IGSF1: variants seen among roughly 807,000 people sequenced by gnomAD.
IGSF1 encodes immunoglobulin superfamily member 1, also known as immunoglobulin-like domain-containing protein 1.
Under a neutral mutation model 95.3 loss-of-function variants are expected in IGSF1, and 40 were observed. The observed-to-expected ratio is 0.42, with a 90% CI of 0.33 to 0.55. The LOEUF is 0.55. Among genes scored for constraint, IGSF1 ranks in the 20% least tolerant of loss-of-function variants. The pLI, the probability that IGSF1 is intolerant of heterozygous loss-of-function variation, is 0.10. For missense variants in IGSF1, 906 were observed against 1,025.4 expected, an observed-to-expected ratio of 0.88 and a Z score of 1.59; for synonymous variants, 372 against 382.9, an observed-to-expected ratio of 0.97 and a Z score of 0.33.
chrX:131,274,252 G>T lies in IGSF1; in HGVS notation c.3752-46C>A, dbSNP rs779448947. The T allele has an allele frequency of 1.4e-5, 17 of 1,200,462 alleles. No homozygotes were observed. The East Asian group carries it at 4.7e-4, about 34-fold the overall frequency. ...AAACCGAGGCCATGGAGATTAGCGT[G>T]TGTATGTTCCCCTTGATCTGGTATT... On this transcript the variant is annotated intron_variant, in intron 18 of 19. Transcript: ENST00000361420.
Position 131,282,025 on chromosome X carries a change from C to T in IGSF1, c.1247-81G>A, listed in dbSNP as rs1306041272. 7.9e-6 allele frequency: 7 copies of T among 889,744 alleles called. No homozygotes were observed. In the East Asian group the frequency reaches 2.2e-4, roughly 28 times the overall value. 73.3% of individuals were successfully genotyped at this position (889,744 alleles called of 1,213,427 possible). A position where few individuals can be genotyped will look rare whatever the true frequency, so the allele number is the denominator to read the frequency against. ...CCCCAGAAAATGTTTCTGAGCTCCC[C>T]ATTTGATCTTCTCTTCCTTTCCACT... On this transcript the variant is annotated intron_variant, in intron 7 of 19. Transcript: ENST00000361420.
rs2080474171 is a variant in IGSF1, at chrX:131,276,345, T to A, written c.2609-97A>T. The A allele has an allele frequency of 4.3e-6, 3 of 704,953 alleles. No homozygotes were observed. In the Admixed American group the frequency reaches 1.2e-4, roughly 29 times the overall value. 58.1% of individuals were successfully genotyped at this position (704,953 alleles called of 1,213,427 possible). On this transcript the variant is annotated intron_variant, in intron 14 of 19. Transcript: ENST00000361420. ...ATTGTAAGACACAATATATGTTTGT[T>A]GTTAAAAATTAGAAAATATAGAAAA...
At chrX:131,278,213 C>G in intron 12 of IGSF1, 79 bp from the exon 13 acceptor site, 1 of 976,621 alleles carries the variant, frequency 1.0e-6, no homozygotes, top group Non-Finnish European at 1.4e-6. Context: ...ACTTTGTCAG[C>G]AAATAAAGAC....
Position 131,279,341 on chromosome X carries a change from T to C in IGSF1, c.1647A>G (p.Arg549=). 8.3e-7 allele frequency: 1 copy of C among 1,205,420 alleles called. No individual in the cohort carries two copies. The highest frequency in any genetic ancestry group is 3.0e-5 in the East Asian group (1 of 33,801). ...IRWKCRRLRI[R]EAWLLGTAQG... is the part of the protein sequence containing the mutation. ...GAGCTGTTCCCAGCAACCAGGCTTC[T>C]CTAGTGAGACCAGAAAAGAGATGAG... Residue 549 remains arginine (R), a splice_region_variant and synonymous_variant, in exon 10 of 20, where the codon AGA becomes AGG. Coordinates refer to ENST00000361420, the MANE Select transcript of IGSF1 (RefSeq NM_001555.5).
chrX:131,276,521 T>C (rs2080476697), intron 14 of IGSF1, among the ~76,000 whole-genome samples: 1 of 111,690 alleles, frequency 9.0e-6, no homozygotes, highest in Admixed American at 9.4e-5. Context: ...TGTGTAGTTG[T>C]GTAGTATGCA....
rs201754584 is a variant in IGSF1, at chrX:131,275,991, G to T, written c.2866C>A (p.Leu956Ile). 8.3e-7 allele frequency: 1 copy of T among 1,208,665 alleles called. No individual in the cohort carries two copies. Among genetic ancestry groups the T allele is most frequent in the East Asian group, 3.0e-5 (1 of 33,748 alleles). The change falls in exon 15 of 20, where the codon CTC becomes ATC. Residue 956 changes from leucine (L) to isoleucine (I), a missense_variant. Transcript: ENST00000361420. ...ETTMSNRGSY[L>I]SMPLMIWVTD... ...ACCCAGATCATAAGGGGCATACTGA[G>T]ATATGACCCCCTGTTTGACATGGTT...
intron 6 of IGSF1, 38 bp downstream of exon 6, chrX:131,282,942 G>A (rs1448610959): frequency 7.2e-6 from 8 of 1,108,035 alleles, no homozygotes; most frequent in Non-Finnish European, 9.9e-6. Context: ...TATATCCTTA[G>A]CCGTTAACCT....
chrX:131,283,874 C>G (rs1323253801), intron 5 of IGSF1, among the ~76,000 whole-genome samples: 1 of 112,004 alleles, frequency 8.9e-6, no homozygotes, highest in Non-Finnish European at 1.9e-5. Context: ...CAATGCCAGG[C>G]ACACTTATCT....
chrX:131,280,813 G>A (rs930474273), intron 9 of IGSF1, among the ~76,000 whole-genome samples: 1 of 111,713 alleles, frequency 9.0e-6, no homozygotes, highest in Non-Finnish European at 1.9e-5. Context: ...TAGGGATAAG[G>A]GTGAAAAGTT....
rs756664599 is a variant in IGSF1, at chrX:131,273,916, G to A, written c.3891C>T (p.Asp1297=). ...CAAGGGCAATGGTCTGGTCTCTTCC[G>A]TCTGTCTCTGAGCCTCTATGTAAAG... ...PRLRTRGSET[D]GRDQTIALEE... Residue 1297 remains aspartate (D), a synonymous_variant, in exon 20 of 20, where the codon GAC becomes GAT. Transcript: ENST00000361420. The A allele has an allele frequency of 3.7e-5, 45 of 1,208,278 alleles. No homozygotes were observed. Among genetic ancestry groups the A allele is most frequent in the South Asian group, 5.3e-5 (3 of 56,479 alleles).
chrX:131,286,157 T>G, intron 3 of IGSF1, 109 bp from the exon 4 acceptor site: 1 of 752,821 alleles, frequency 1.3e-6, no homozygotes, highest in Non-Finnish European at 1.9e-6. Flanking sequence ...CCTCATTTTG[T>G]CTTCCCTTGG....
chrX:131,285,071 C>T (rs755811965), intron 5 of IGSF1, 108 bp downstream of exon 5: 1 of 1,112,841 alleles, frequency 9.0e-7, no homozygotes, highest in Non-Finnish European at 1.2e-6. Context: ...TGGGGCCTTG[C>T]AGGGCCTAGA....
At chrX:131,274,936 C>G (rs956426611) in intron 17 of IGSF1, 59 bp from the exon 18 acceptor site, 3 of 1,197,942 alleles carry the variant, frequency 2.5e-6, no homozygotes, top group Admixed American at 4.4e-5. Context: ...CCTTTTACCC[C>G]CTTATTGCTT....
At chrX:131,278,870 C>T in intron 11 of IGSF1, 119 bp from the exon 12 acceptor site, 1 of 681,835 alleles carries the variant, frequency 1.5e-6, no homozygotes, top group East Asian at 3.3e-5. Flanking sequence ...CAAATCCAAA[C>T]CCTTTCCTTC....
At position 131,276,209 on chromosome X, in the gene IGSF1, G is replaced by C. The variant is rs1432321471; in HGVS notation, c.2648C>G (p.Pro883Arg). The change falls in exon 15 of 20, where the codon CCT (proline) becomes CGT (arginine). Residue 883 changes from proline (P) to arginine (R), a missense_variant. Physicochemically the swap from Pro to Arg is moderately radical, Grantham distance 103. Transcript: ENST00000361420. ...PKPTLLAQPG[P>R]VVFPGKSVIL... Reference sequence around the variant, plus strand: ...CACACTCTTCCCAGGAAACACCACAGGACCTGGCTGTGCCAGGAGAGTGGG... The same window carrying C: ...CACACTCTTCCCAGGAAACACCACACGACCTGGCTGTGCCAGGAGAGTGGG... 2 of 1,209,121 alleles carry C rather than the reference G, an allele frequency of 1.7e-6. No individual in the cohort carries two copies. Among genetic ancestry groups the C allele is most frequent in the Admixed American group, 2.2e-5 (1 of 45,431 alleles).
Position 131,285,768 on chromosome X carries a change from T to A in IGSF1, c.378A>T (p.Pro126=). ...KPSKVLELEA[P]GQLPKPIFWI... is the part of the protein sequence containing the mutation. ...TCTTGAGTATCACTGTCATCTTACC[T>A]GGTGCCTCCAACTCTAGAACTTTAC... Residue 126 remains proline, a splice_region_variant and synonymous_variant, in exon 4 of 20, where the codon CCA becomes CCT. Coordinates refer to ENST00000361420, the MANE Select transcript of IGSF1 (RefSeq NM_001555.5). 1 of 1,202,824 alleles carries A rather than the reference T, an allele frequency of 8.3e-7. No homozygotes were observed. The highest frequency in any genetic ancestry group is 1.1e-6 in the Non-Finnish European group (1 of 889,751).
chrX:131,274,011 G>A, intron 19 of IGSF1, 72 bp downstream of exon 19: 1 of 1,204,234 alleles, frequency 8.3e-7, no homozygotes, highest in Non-Finnish European at 1.1e-6. Context: ...GATACTAGGG[G>A]AGCATTTGTA....
Position 131,285,425 on chromosome X carries a change from G to T in IGSF1, c.421C>A (p.Pro141Thr), listed in dbSNP as rs1181812278. The change falls in exon 5 of 20, where the codon CCC becomes ACC. Residue 141 changes from proline (P) to threonine (T), a missense_variant. Coordinates refer to ENST00000361420, the MANE Select transcript of IGSF1 (RefSeq NM_001555.5). ...KPIFWIQAET[P>T]ALPGCNVNIL... ...TTAACATTACACCCAGGAAGAGCGGGGGTCTCAGCCTGAATCCAGAAGATG... is the reference window on the plus strand; with the variant it reads ...TTAACATTACACCCAGGAAGAGCGGTGGTCTCAGCCTGAATCCAGAAGATG... The T allele has an allele frequency of 6.6e-6, 8 of 1,206,863 alleles. No homozygotes were observed. Among genetic ancestry groups the T allele is most frequent in the Non-Finnish European group, 9.0e-6 (8 of 892,970 alleles).
intron 1 of IGSF1, among the ~76,000 whole-genome samples, chrX:131,287,944 TAGAG>T (rs1448641228): frequency 9.0e-6 from 1 of 111,562 alleles, no homozygotes; most frequent in Non-Finnish European, 1.9e-5. Flanking sequence ...GCTCCCAGAA[TAGAG>T]AAAGGAACTG....
Sources: allele counts gnomAD v4.1 joint callset (sites outside exome capture counted in the v4.1 genomes callset), GRCh38; gene constraint gnomAD v4.1.1; transcripts MANE v1.5; gene names NCBI Gene and HGNC (gene_info 2026-07-23, HGNC 2026-07-21).